Variants in KAT6A observed in about 807,000 individuals in gnomAD.
KAT6A encodes the protein histone acetyltransferase KAT6A.
KAT6A carries 9 observed loss-of-function variants against 198.4 expected under a neutral mutation model. The observed-to-expected ratio is 0.05, with a 90% CI of 0.03 to 0.08. The LOEUF (loss-of-function observed/expected upper bound fraction) is 0.08, where lower values mean the gene tolerates loss of function less well. KAT6A is among the 10% of genes least tolerant of loss of function. The pLI is 1.00. For synonymous variants in KAT6A, 890 were observed against 883.0 expected (o/e 1.01, Z -0.14); for missense variants, 2,077 against 2,509.9 (o/e 0.83, Z 3.69).
At chr8:41,958,886 G>A (rs932825239) in intron 8 of KAT6A, among the ~76,000 whole-genome samples, 6 of 152,304 alleles carry the variant, frequency 3.9e-5, no homozygotes, top group African/African-American at 7.2e-5. Context: ...AAGGCCGGGC[G>A]TGGTGGCTCA....
intron 15 of KAT6A, among the ~76,000 whole-genome samples, chr8:41,939,483 G>A (rs1157910627): frequency 6.6e-5 from 10 of 152,068 alleles, no homozygotes; most frequent in Admixed American, 1.3e-4. Flanking sequence ...TGATCCTCCC[G>A]CCTCAGCCTC....
At position 42,011,665 on chromosome 8, in the gene KAT6A, A is replaced by G. The variant is rs185003894; in HGVS notation, c.601-24102T>C. 6.9e-4 allele frequency among the ~76,000 whole-genome samples: 105 copies of G among 152,134 alleles called. No individual in the cohort carries two copies. The East Asian group carries it at 7.1e-3, about 10-fold the overall frequency. ...TGAGGCAGGAGAATCGCTTGAACCC[A>G]GGAAGCAGAGGTTGTGGTGAGCTGA... On this transcript the variant is annotated intron_variant, in intron 2 of 16. Transcript: ENST00000265713.
intron 2 of KAT6A, among the ~76,000 whole-genome samples, chr8:42,030,311 G>T (rs1248833615): frequency 6.6e-6 from 1 of 152,106 alleles, no homozygotes; most frequent in Non-Finnish European, 1.5e-5. Context: ...CTCCACACTG[G>T]GGACTTTCTC....
chr8:42,023,145 C>A (rs1336808266), intron 2 of KAT6A, among the ~76,000 whole-genome samples: 5 of 152,064 alleles, frequency 3.3e-5, no homozygotes, highest in Non-Finnish European at 7.4e-5. Flanking sequence ...AGAAAAGGAA[C>A]AGTAAAAATA....
chr8:41,933,348 G>C lies in KAT6A; in HGVS notation c.4872C>G (p.Val1624=), dbSNP rs2980901. The C allele has an allele frequency of 0.019, 29,290 of 1,582,694 alleles. 556 individuals are homozygous for C. Among genetic ancestry groups the C allele is most frequent in the African/African-American group, 0.094 (7,060 of 74,738 alleles). The change falls in exon 17 of 17, where the codon GTC becomes GTG. Residue 1624 remains valine (V), a synonymous_variant. Transcript: ENST00000265713. The surrounding 1 kb of genome is among the most constrained non-coding windows in gnomAD (Gnocchi z 6.2). ...SSCSMMQQSS[V]QPAANCSIKS... ...TGATGCTGCAGTTGGCAGCAGGCTGGACGCTGCTCTGCTGCATCATGCTGC... is the reference window on the plus strand; with the variant it reads ...TGATGCTGCAGTTGGCAGCAGGCTGCACGCTGCTCTGCTGCATCATGCTGC...
intron 2 of KAT6A, among the ~76,000 whole-genome samples, chr8:42,001,041 C>CT (rs1390462015): frequency 6.6e-6 from 1 of 152,060 alleles, no homozygotes; most frequent in Non-Finnish European, 1.5e-5. Flanking sequence ...AGGAAGGAGG[C>CT]TTTACAGGTA....
At chr8:42,035,692 G>A (rs189048786) in intron 2 of KAT6A, among the ~76,000 whole-genome samples, 14 of 152,342 alleles carry the variant, frequency 9.2e-5, no homozygotes, top group Admixed American at 1.3e-4. Flanking sequence ...AAATAAGACT[G>A]AAAACTGTCC....
At chr8:41,991,056 A>T (rs1187517647) in intron 2 of KAT6A, among the ~76,000 whole-genome samples, 7 of 152,088 alleles carry the variant, frequency 4.6e-5, no homozygotes, top group Non-Finnish European at 1.5e-5. Flanking sequence ...AGGAATATAA[A>T]TATAAATTGA....
intron 2 of KAT6A, among the ~76,000 whole-genome samples, chr8:42,032,172 C>T (rs1827163735): frequency 1.3e-5 from 2 of 152,228 alleles, no homozygotes; most frequent in South Asian, 4.1e-4. Context: ...TTGTCATTTT[C>T]ATGAACTGTA....
chr8:42,048,816 A>G lies in KAT6A; in HGVS notation c.162T>C (p.Ser54=). ...RKTVLEQLEL[S]VKDGTILKVS... ...CTTTTAAAATTGTTCCATCTTTAACACTCAACTCCAATTGTTCTAAAACAG... is the reference window on the plus strand; with the variant it reads ...CTTTTAAAATTGTTCCATCTTTAACGCTCAACTCCAATTGTTCTAAAACAG... Residue 54 remains serine, a synonymous_variant, in exon 2 of 17, where the codon AGT becomes AGC. Coordinates refer to ENST00000265713, the MANE Select transcript of KAT6A (RefSeq NM_006766.5). The G allele has an allele frequency of 6.2e-7, 1 of 1,614,052 alleles. No individual in the cohort carries two copies.
rs546516500 is a variant in KAT6A at position 42,050,213 on chromosome 8, G to A, written c.-325-911C>T. Among the ~76,000 whole-genome samples the A allele has an allele frequency of 2.6e-5, 4 of 152,322 alleles. No homozygotes were observed. The South Asian group carries it at 8.3e-4, about 32-fold the overall frequency. On this transcript the variant is annotated intron_variant, in intron 1 of 16. Transcript: ENST00000265713. ...CCAAATAATAAAGATATAAATTCAA[G>A]ATTGCTGTCCTGAAACGAACATTAA...
intron 2 of KAT6A, among the ~76,000 whole-genome samples, chr8:42,047,524 C>A (rs558653167): frequency 6.6e-6 from 1 of 152,260 alleles, no homozygotes; most frequent in Non-Finnish European, 1.5e-5. Flanking sequence ...AGCAATCCTC[C>A]CCGACACAGC....
At chr8:42,013,092 T>C (rs1470259470) in intron 2 of KAT6A, among the ~76,000 whole-genome samples, 1 of 151,726 alleles carries the variant, frequency 6.6e-6, no homozygotes, top group African/African-American at 2.4e-5. Flanking sequence ...TTTTAGTGGA[T>C]AATGGATCTT....
rs1822638069 is a variant in KAT6A, at chr8:41,950,912, A to C, written c.1599-1549T>G. Reference sequence around the variant, plus strand: ...AAATCGAAAATATTCAATAAATGCTAATTACTTTTCTGGAAACAGAAGGGA... The same window carrying C: ...AAATCGAAAATATTCAATAAATGCTCATTACTTTTCTGGAAACAGAAGGGA... On this transcript the variant is annotated intron_variant, in intron 9 of 16. Transcript: ENST00000265713. Among the ~76,000 whole-genome samples, 5 of 152,248 alleles carry C rather than the reference A, an allele frequency of 3.3e-5. No individual in the cohort carries two copies. The South Asian group carries it at 1.0e-3, about 32-fold the overall frequency.
chr8:42,049,379 C>G (rs1186923641), intron 1 of KAT6A, 77 bp from the exon 2 acceptor site: 2 of 217,250 alleles, frequency 9.2e-6, no homozygotes, highest in African/African-American at 4.6e-5. Flanking sequence ...CATCATAAAG[C>G]AATCAAACAG....
At chr8:41,938,217 C>T (rs915300871) in intron 15 of KAT6A, among the ~76,000 whole-genome samples, 3 of 152,156 alleles carry the variant, frequency 2.0e-5, no homozygotes. Context: ...TAATCCAATC[C>T]CTTCATTCTA....
At chr8:41,941,515 CT>C in intron 14 of KAT6A, 71 bp from the exon 15 acceptor site, 2 of 1,457,612 alleles carry the variant, frequency 1.4e-6, no homozygotes, top group South Asian at 2.8e-5. Context: ...CTATTCTGAC[CT>C]TTTAAGTATT....
At chr8:42,043,074 TAC>T (rs1827744497) in intron 2 of KAT6A, among the ~76,000 whole-genome samples, 1 of 152,194 alleles carries the variant, frequency 6.6e-6, no homozygotes, top group African/African-American at 2.4e-5. Context: ...GTAAAAAAAT[TAC>T]AGTTCATAAA....
intron 2 of KAT6A, among the ~76,000 whole-genome samples, chr8:42,034,971 G>A (rs902100988): frequency 6.6e-6 from 1 of 152,192 alleles, no homozygotes; most frequent in Non-Finnish European, 1.5e-5. Context: ...TGGTCTTTGC[G>A]CTTGTGTTCT....
Sources: gnomAD v4.1 joint callset for allele counts (sites outside exome capture counted in the v4.1 genomes callset) on GRCh38, gnomAD v4.1.1 for gene constraint, Gnocchi (gnomAD v3.1) non-coding constraint, MANE v1.5 for transcripts, NCBI Gene and HGNC (gene_info 2026-07-23, HGNC 2026-07-21) for gene names.